The following GRID2 variants were observed in gnomAD, a reference collection of about 807,000 sequenced individuals.
GRID2 encodes glutamate receptor ionotropic, delta-2.
GRID2 carries 33 observed loss-of-function variants against 114.8 expected under a neutral mutation model. That is an observed-to-expected ratio of 0.29 (90% CI 0.22 to 0.38). The LOEUF (loss-of-function observed/expected upper bound fraction) is 0.38, where lower values mean the gene tolerates loss of function less well. GRID2 is among the 10% of genes least tolerant of loss of function. The pLI is 1.00. For synonymous variants in GRID2, 505 were observed against 449.9 expected, an observed-to-expected ratio of 1.12 and a Z score of -1.55; for missense variants, 1,184 against 1,257.7, an observed-to-expected ratio of 0.94 and a Z score of 0.89.
At position 92,533,300 on chromosome 4, in the gene GRID2, A is replaced by G. The variant is rs544884029; in HGVS notation, c.89-56831A>G. ...GAGGAAAAATATTCAACATTTACAC[A>G]CACACATACACACAGAAAACTATAA... On this transcript the variant is annotated intron_variant, in intron 1 of 15. Coordinates refer to ENST00000282020, the MANE Select transcript of GRID2 (RefSeq NM_001510.4). Among the ~76,000 whole-genome samples, 11 of 152,050 alleles carry G rather than the reference A, an allele frequency of 7.2e-5. No homozygotes were observed. The South Asian group carries it at 2.3e-3, about 32-fold the overall frequency.
At chr4:93,676,012 A>G (rs1157267633) in intron 14 of GRID2, among the ~76,000 whole-genome samples, 1 of 152,200 alleles carries the variant, frequency 6.6e-6, no homozygotes, top group Admixed American at 6.5e-5. Flanking sequence ...GAAATTCAAG[A>G]GTAATTTGAG....
chr4:93,532,491 T>G (rs567911840), intron 13 of GRID2, among the ~76,000 whole-genome samples: 2 of 152,200 alleles, frequency 1.3e-5, no homozygotes, highest in African/African-American at 2.4e-5. Context: ...GTCAGAAATA[T>G]ATTGCATTTA....
At chr4:93,601,068 C>T (rs1343978063) in intron 13 of GRID2, among the ~76,000 whole-genome samples, 1 of 152,162 alleles carries the variant, frequency 6.6e-6, no homozygotes, top group East Asian at 1.9e-4. Flanking sequence ...TGTATCTTAA[C>T]TGAGGCAGTA....
At chr4:93,559,242 T>C (rs1370530293) in intron 13 of GRID2, among the ~76,000 whole-genome samples, 1 of 152,174 alleles carries the variant, frequency 6.6e-6, no homozygotes, top group African/African-American at 2.4e-5. Context: ...AAATATGATC[T>C]AATTAAACTA....
chr4:92,990,382 ACCTGGGTTCAAGTGATTCT>A (rs2149202711), intron 2 of GRID2, among the ~76,000 whole-genome samples: 1 of 151,208 alleles, frequency 6.6e-6, no homozygotes, highest in Non-Finnish European at 1.5e-5. Context: ...GCTCACTGCC[ACCTGGGTTCAAGTGATTCT>A]CCTGGGTTCA....
At chr4:93,536,366 A>G (rs1181271369) in intron 13 of GRID2, among the ~76,000 whole-genome samples, 2 of 151,958 alleles carry the variant, frequency 1.3e-5, no homozygotes, top group African/African-American at 2.4e-5. Context: ...CACATAGGCT[A>G]AAGGAACAGA....
chr4:92,703,301 G>C (rs1734772625), intron 2 of GRID2, among the ~76,000 whole-genome samples: 1 of 152,084 alleles, frequency 6.6e-6, no homozygotes, highest in Non-Finnish European at 1.5e-5. Flanking sequence ...CCAGATTTAG[G>C]ACCACTGTTG....
At chr4:93,548,154 G>C (rs1249424435) in intron 13 of GRID2, among the ~76,000 whole-genome samples, 1 of 152,002 alleles carries the variant, frequency 6.6e-6, no homozygotes, top group East Asian at 1.9e-4. Flanking sequence ...TTCAGCCTGG[G>C]TGACAGAGTG....
At chr4:93,533,293 CCTTCCTTCCTTCCTTCCTTCCTT>C (rs1296418125) in intron 13 of GRID2, among the ~76,000 whole-genome samples, 6 of 140,378 alleles carry the variant, frequency 4.3e-5, no homozygotes, top group Non-Finnish European at 9.2e-5. Context: ...TTCCTTCCTT[CCTTCCTTCCTTCCTTCCTTCCTT>C]CTTTCCTTTC....
chr4:93,040,963 T>G (rs1725461647), intron 2 of GRID2, among the ~76,000 whole-genome samples: 1 of 152,100 alleles, frequency 6.6e-6, no homozygotes, highest in African/African-American at 2.4e-5. Flanking sequence ...TGAAACATTG[T>G]CAGAGATCAT....
intron 9 of GRID2, among the ~76,000 whole-genome samples, chr4:93,404,935 G>A (rs1363269805): frequency 1.3e-5 from 2 of 152,048 alleles, no homozygotes; most frequent in Admixed American, 6.6e-5. Context: ...AGCAACCTAT[G>A]TGTCATGTCT....
chr4:93,771,099 A>T (rs999278567), intron 15 of GRID2, among the ~76,000 whole-genome samples: 16 of 152,178 alleles, frequency 1.1e-4, no homozygotes, highest in Non-Finnish European at 2.9e-5. Flanking sequence ...TGATTAATAG[A>T]TATCTTAAAT....
chr4:93,268,015 T>C (rs1182482315), intron 8 of GRID2, among the ~76,000 whole-genome samples: 1 of 152,168 alleles, frequency 6.6e-6, no homozygotes, highest in Non-Finnish European at 1.5e-5. Context: ...GGAATGTGTA[T>C]TGCAGAGACA....
intron 9 of GRID2, among the ~76,000 whole-genome samples, chr4:93,416,897 T>TA (rs1444673048): frequency 6.6e-6 from 1 of 152,086 alleles, no homozygotes; most frequent in Non-Finnish European, 1.5e-5. Context: ...CTAATGTACT[T>TA]AGATTGATAA....
At chr4:93,108,322 T>C (rs1049969009) in intron 3 of GRID2, among the ~76,000 whole-genome samples, 2 of 152,224 alleles carry the variant, frequency 1.3e-5, no homozygotes, top group Non-Finnish European at 2.9e-5. Context: ...TTCATTGATG[T>C]GCTCCTAGCT....
intron 12 of GRID2, among the ~76,000 whole-genome samples, chr4:93,512,376 G>A (rs186065332): frequency 2.0e-5 from 3 of 152,142 alleles, no homozygotes; most frequent in African/African-American, 4.8e-5. Flanking sequence ...ACTCTTCTTA[G>A]TATGAAAAAT....
At chr4:92,531,203 G>A (rs971871669) in intron 1 of GRID2, among the ~76,000 whole-genome samples, 13 of 152,072 alleles carry the variant, frequency 8.5e-5, no homozygotes, top group Non-Finnish European at 1.6e-4. Context: ...TTGGATCAAT[G>A]AGTGTTTCTT....
At chr4:92,691,592 A>G (rs1734185642) in intron 2 of GRID2, among the ~76,000 whole-genome samples, 1 of 152,232 alleles carries the variant, frequency 6.6e-6, no homozygotes, top group Non-Finnish European at 1.5e-5. Context: ...ATATATTTCA[A>G]AGAGGATACA....
chr4:93,083,010 AT>A (rs1730008625), intron 2 of GRID2, among the ~76,000 whole-genome samples: 1 of 151,946 alleles, frequency 6.6e-6, no homozygotes, highest in Non-Finnish European at 1.5e-5. Flanking sequence ...TTGAAAGTAA[AT>A]TTTTCCCCAA....
Sources: allele counts gnomAD v4.1 joint callset (sites outside exome capture counted in the v4.1 genomes callset), GRCh38; gene constraint gnomAD v4.1.1; transcripts MANE v1.5; gene names NCBI Gene and HGNC (gene_info 2026-07-23, HGNC 2026-07-21).